The following RGS7 variants were observed in gnomAD, a reference collection of about 807,000 sequenced individuals.
RGS7 encodes regulator of G protein signaling 7.
A neutral mutation model predicts 81.1 loss-of-function variants in RGS7; 27 were observed. The observed-to-expected ratio is 0.33, with a 90% CI of 0.25 to 0.46. The LOEUF is 0.46. Among genes scored for constraint, RGS7 ranks in the 20% least tolerant of loss-of-function variants. The pLI, the probability that RGS7 is intolerant of heterozygous loss-of-function variation, is 1.00. For synonymous variants in RGS7, 208 were observed against 207.7 expected (o/e 1.00, Z -0.01); for missense variants, 396 against 607.4 (o/e 0.65, Z 3.66).
At chr1:240,973,163 G>A (rs1683517135) in intron 4 of RGS7, among the ~76,000 whole-genome samples, 1 of 152,078 alleles carries the variant, frequency 6.6e-6, no homozygotes, top group Non-Finnish European at 1.5e-5. Flanking sequence ...TAATTTTCTG[G>A]TTGTAAATTG....
chr1:241,189,540 C>T (rs1260415668), intron 2 of RGS7, among the ~76,000 whole-genome samples: 1 of 152,146 alleles, frequency 6.6e-6, no homozygotes, highest in African/African-American at 2.4e-5. Context: ...CCAATTTATT[C>T]ACTTTTTCTT....
intron 2 of RGS7, among the ~76,000 whole-genome samples, chr1:241,259,667 A>AAAAAAAAAAAATATATATATATATATAT: frequency 2.0e-5 from 1 of 49,146 alleles, no homozygotes; most frequent in African/African-American, 8.0e-5. Flanking sequence ...AAAAAAAAAA[A>AAAAAAAAAAAATATATATATATATATAT]ATATATATAT....
intron 2 of RGS7, among the ~76,000 whole-genome samples, chr1:241,275,308 G>A (rs2078135744): frequency 6.6e-6 from 1 of 152,188 alleles, no homozygotes; most frequent in South Asian, 2.1e-4. Flanking sequence ...TAGATTATGA[G>A]CTAAGAAAGT....
At chr1:240,845,844 A>T (rs1157207220) in intron 9 of RGS7, among the ~76,000 whole-genome samples, 1 of 152,220 alleles carries the variant, frequency 6.6e-6, no homozygotes, top group African/African-American at 2.4e-5. Flanking sequence ...AGAGAGAAGT[A>T]GCTCGAACAG....
intron 3 of RGS7, among the ~76,000 whole-genome samples, chr1:241,019,602 C>T (rs543952814): frequency 9.9e-5 from 15 of 152,110 alleles, no homozygotes; most frequent in South Asian, 2.1e-4. Flanking sequence ...TGAAAACATG[C>T]GGTGTTTGGT....
chr1:241,074,878 G>C (rs1013570744), intron 3 of RGS7, among the ~76,000 whole-genome samples: 4 of 152,118 alleles, frequency 2.6e-5, no homozygotes, highest in African/African-American at 9.7e-5. Context: ...AGTTTTGGCT[G>C]CATCACCACT....
intron 3 of RGS7, among the ~76,000 whole-genome samples, chr1:240,992,483 G>A (rs1214329164): frequency 1.3e-5 from 2 of 151,980 alleles, no homozygotes; most frequent in African/African-American, 2.4e-5. Context: ...CAGCCTGGGC[G>A]ACAGAGCAAG....
At chr1:241,236,175 C>G (rs1230280630) in intron 2 of RGS7, among the ~76,000 whole-genome samples, 1 of 146,924 alleles carries the variant, frequency 6.8e-6, no homozygotes, top group Non-Finnish European at 1.5e-5. Flanking sequence ...CCTCCGCCCC[C>G]CATATTTTAG....
intron 2 of RGS7, among the ~76,000 whole-genome samples, chr1:241,266,484 C>A (rs1172583433): frequency 6.6e-6 from 1 of 152,156 alleles, no homozygotes; most frequent in East Asian, 1.9e-4. Flanking sequence ...TCAGGATTAT[C>A]TTGGTTCCAT....
rs117560586 is a variant in RGS7 at position 241,330,499 on chromosome 1, A to C, written c.78+25200T>G. Among the ~76,000 whole-genome samples, 6 of 152,292 alleles carry C rather than the reference A, an allele frequency of 3.9e-5. No homozygotes were observed. In the East Asian group the frequency reaches 1.2e-3, roughly 29 times the overall value. On this transcript the variant is annotated intron_variant, in intron 2 of 18. Coordinates refer to ENST00000440928, the MANE Select transcript of RGS7 (RefSeq NM_001364886.1). The stretch of plus-strand genomic sequence containing the variant: ...GTTATACAGAAGCTTATCTGAAACA[A>C]ACCTGAAGTCTCCCTTTGACTGCAA...
At chr1:241,022,055 C>T (rs1024152559) in intron 3 of RGS7, among the ~76,000 whole-genome samples, 29 of 152,154 alleles carry the variant, frequency 1.9e-4, no homozygotes, top group Non-Finnish European at 7.4e-5. Context: ...CAGGGTCCTA[C>T]GATGACAATA....
At position 240,825,370 on chromosome 1, in the gene RGS7, T is replaced by C. The variant is rs373711862; in HGVS notation, c.684+1728A>G. 1.3e-3 allele frequency among the ~76,000 whole-genome samples: 203 copies of C among 152,340 alleles called. 5 individuals are homozygous for C. The South Asian group carries it at 0.04, about 30-fold the overall frequency. The stretch of plus-strand genomic sequence containing the variant: ...TGGCTTGGAGTCGGATAACCTTCCA[T>C]GTAAAATAACATTATCATCTGCGAA... On this transcript the variant is annotated intron_variant, in intron 10 of 18. Coordinates refer to ENST00000440928, the MANE Select transcript of RGS7 (RefSeq NM_001364886.1).
In RGS7 at chr1:241,355,704, T is replaced by G. The variant is rs1262793630; in HGVS notation, c.73A>C (p.Arg25=). ...ADESPNMLVY[R]KMEDVIARMQ... is the part of the protein sequence containing the mutation. ...GAAACTGAAGACATTCTTACCTTTC[T>G]GTACACCAGCATGTTGGGTGATTCA... is the stretch of plus-strand genomic sequence containing the variant. The change falls in exon 2 of 19, where the codon AGA becomes CGA. Residue 25 remains arginine (R), a synonymous_variant. Transcript: ENST00000440928. 1.9e-6 allele frequency: 3 copies of G among 1,614,014 alleles called. No individual in the cohort carries two copies. Among genetic ancestry groups the G allele is most frequent in the Non-Finnish European group, 2.5e-6 (3 of 1,179,866 alleles).
At chr1:240,812,195 G>A (rs2103099245) in intron 13 of RGS7, 152 bp from the exon 14 acceptor site, 1 of 761,572 alleles carries the variant, frequency 1.3e-6, no homozygotes, top group Admixed American at 2.4e-5. Flanking sequence ...GGCTCTGCAT[G>A]AAATCATCGT....
chr1:241,262,580 A>G (rs1448823816), intron 2 of RGS7, among the ~76,000 whole-genome samples: 1 of 152,230 alleles, frequency 6.6e-6, no homozygotes, highest in Non-Finnish European at 1.5e-5. Context: ...CCTCTGCATC[A>G]ATAGTTCAGA....
At chr1:240,797,177 G>A (rs183083110) in intron 18 of RGS7, among the ~76,000 whole-genome samples, 1 of 152,180 alleles carries the variant, frequency 6.6e-6, no homozygotes, top group East Asian at 1.9e-4. Context: ...AACTGATATT[G>A]TTCACACAAA....
At chr1:240,892,373 A>G (rs1023119284) in intron 6 of RGS7, among the ~76,000 whole-genome samples, 7 of 152,094 alleles carry the variant, frequency 4.6e-5, no homozygotes, top group South Asian at 2.1e-4. Context: ...ATTTTTTTGT[A>G]TGCTCACTTG....
intron 2 of RGS7, among the ~76,000 whole-genome samples, chr1:241,169,504 G>A (rs879533912): frequency 3.3e-5 from 5 of 150,912 alleles, no homozygotes; most frequent in South Asian, 2.1e-4. Context: ...CACCACACCC[G>A]GCTAATTTTT....
At position 241,162,621 on chromosome 1, in the gene RGS7, C is replaced by T. The variant is rs377607340; in HGVS notation, c.79-63859G>A. On this transcript the variant is annotated intron_variant, in intron 2 of 18. Coordinates refer to ENST00000440928, the MANE Select transcript of RGS7 (RefSeq NM_001364886.1). ...TTTTTAAACAACTCTGACTCCTGCT[C>T]TAAAACTTGCCTGTATCTCTCCCGC... 2.6e-5 allele frequency among the ~76,000 whole-genome samples: 4 copies of T among 152,296 alleles called. No homozygotes were observed. In the East Asian group the frequency reaches 5.8e-4, roughly 22 times the overall value.
Sources: gnomAD v4.1 joint callset for allele counts (sites outside exome capture counted in the v4.1 genomes callset) on GRCh38, gnomAD v4.1.1 for gene constraint, MANE v1.5 for transcripts, NCBI Gene and HGNC (gene_info 2026-07-23, HGNC 2026-07-21) for gene names.